CAMK2B: variants seen among roughly 807,000 people sequenced by gnomAD.
CAMK2B encodes calcium/calmodulin-dependent protein kinase type II subunit beta.
In CAMK2B, 27 loss-of-function variants were observed where a neutral mutation model predicts 93.7. The ratio of observed to expected loss-of-function variants is 0.29; its 90% confidence interval spans 0.21 to 0.40. The LOEUF (loss-of-function observed/expected upper bound fraction) is 0.40. Among genes scored for constraint, CAMK2B ranks in the 10% least tolerant of loss-of-function variants. The probability of loss-of-function intolerance (pLI) is 1.00; values close to 1 mark genes in which losing one functional copy is unlikely to be tolerated. For synonymous variants in CAMK2B, 374 were observed against 358.8 expected, an observed-to-expected ratio of 1.04 and a Z score of -0.48; for missense variants, 568 against 895.8, an observed-to-expected ratio of 0.63 and a Z score of 4.67.
At position 44,229,507 on chromosome 7, in the gene CAMK2B, G is replaced by A. The variant is rs367701989; in HGVS notation, c.1226-6C>T. On this transcript the variant is annotated splice_region_variant and splice_polypyrimidine_tract_variant and intron_variant, in intron 17 of 23. Coordinates refer to ENST00000395749, the MANE Select transcript of CAMK2B (RefSeq NM_001220.5). ...GATGTCGGGGACCCTGGGGGCTGAG[G>A]CGGAACAGGTGAGGCAGGCAGGTGG... is the stretch of plus-strand genomic sequence containing the variant. 7 of 1,400,758 alleles carry A rather than the reference G, an allele frequency of 5.0e-6. No individual in the cohort carries two copies. The African/African-American group carries it at 1.1e-4, about 21-fold the overall frequency. The allele number at this position is 1,400,758 out of a possible 1,614,324, so 86.8% of individuals were successfully genotyped here. A position where few individuals can be genotyped will look rare whatever the true frequency, so the allele number is the denominator to read the frequency against.
At chr7:44,281,995 G>A (rs986621670) in intron 2 of CAMK2B, among the ~76,000 whole-genome samples, 2 of 152,200 alleles carry the variant, frequency 1.3e-5, no homozygotes, top group Non-Finnish European at 2.9e-5. Flanking sequence ...CTAACTGCCG[G>A]AGGGCCAGAC....
At chr7:44,268,673 C>T (rs2096942297) in intron 2 of CAMK2B, 1 of 152,400 alleles carries the variant, frequency 6.6e-6, no homozygotes, top group South Asian at 2.1e-4. Flanking sequence ...CCCCCGAAGC[C>T]TTGGCATGGA....
At chr7:44,304,808 C>CCAAA (rs1791017141) in intron 1 of CAMK2B, among the ~76,000 whole-genome samples, 1 of 152,016 alleles carries the variant, frequency 6.6e-6, no homozygotes, top group Non-Finnish European at 1.5e-5. Context: ...CAAACTAATG[C>CCAAA]CAGATGTTAA....
rs777473518 is a variant in CAMK2B at position 44,234,238 on chromosome 7, G to T, written c.1131+152C>A. 4.7e-4 allele frequency: 309 copies of T among 660,628 alleles called. 2 individuals carry two copies. Among genetic ancestry groups the T allele is most frequent in the Admixed American group, 9.4e-5 (3 of 31,784 alleles). The allele number at this position is 660,628 out of a possible 1,614,324, so 40.9% of individuals were successfully genotyped here. A position where few individuals can be genotyped will look rare whatever the true frequency, so the allele number is the denominator to read the frequency against. ...GGCCTCTTCTCTCCACTTCACCACC[G>T]GTGAGGGATGAGGGGCGGGGGCCAT... On this transcript the variant is annotated intron_variant, in intron 15 of 23. Coordinates refer to ENST00000395749, the MANE Select transcript of CAMK2B (RefSeq NM_001220.5).
chr7:44,317,712 A>C (rs1294775518), intron 1 of CAMK2B, among the ~76,000 whole-genome samples: 1 of 152,144 alleles, frequency 6.6e-6, no homozygotes, highest in Non-Finnish European at 1.5e-5. Context: ...ATCACATTTT[A>C]TCTCTTCTGG....
chr7:44,300,791 C>T (rs913917433), intron 1 of CAMK2B, among the ~76,000 whole-genome samples: 9 of 152,172 alleles, frequency 5.9e-5, no homozygotes, highest in Non-Finnish European at 1.2e-4. Context: ...CTCTAACAGA[C>T]ATCTATAGAC....
chr7:44,279,581 C>G (rs1019592234), intron 2 of CAMK2B, among the ~76,000 whole-genome samples: 2 of 152,162 alleles, frequency 1.3e-5, no homozygotes, highest in Admixed American at 6.5e-5. Flanking sequence ...CAGCTTGCAT[C>G]GAATGAGTAA....
In CAMK2B at chr7:44,220,257, G is replaced by C; in HGVS notation, c.1806C>G (p.Ile602Met). 6.2e-7 allele frequency: 1 copy of C among 1,613,308 alleles called. No homozygotes were observed. The highest frequency in any genetic ancestry group is 8.5e-7 in the Non-Finnish European group (1 of 1,179,956). The part of the protein sequence containing the change: ...AKNSKPIHTT[I>M]LNPHVHVIGE... ...CAATGACGTGCACGTGTGGGTTCAG[G>C]ATGGTCGTGTGGATCGGCTTGCTGT... The change falls in exon 23 of 24, where the codon ATC becomes ATG. Residue 602 changes from isoleucine (I) to methionine (M), a missense_variant. Ile to Met is a conservative substitution (Grantham distance 10). Coordinates refer to ENST00000395749, the MANE Select transcript of CAMK2B (RefSeq NM_001220.5).
chr7:44,256,644 T>A (rs1024405450), intron 4 of CAMK2B, among the ~76,000 whole-genome samples: 10 of 152,252 alleles, frequency 6.6e-5, no homozygotes, highest in Admixed American at 5.9e-4. Flanking sequence ...TGGCACACAC[T>A]GAACACAGAT....
chr7:44,270,982 G>A (rs1203277426), intron 2 of CAMK2B, among the ~76,000 whole-genome samples: 1 of 152,114 alleles, frequency 6.6e-6, no homozygotes, highest in Non-Finnish European at 1.5e-5. Flanking sequence ...ACAGGGGCAT[G>A]ATCTTGGTTC....
intron 2 of CAMK2B, among the ~76,000 whole-genome samples, chr7:44,265,073 T>G (rs1455900481): frequency 1.3e-5 from 2 of 152,170 alleles, no homozygotes; most frequent in African/African-American, 4.8e-5. Context: ...TCTTTCCTAG[T>G]ATCTTTCTTA....
At chr7:44,287,506 C>T (rs552883455) in intron 1 of CAMK2B, among the ~76,000 whole-genome samples, 3 of 152,310 alleles carry the variant, frequency 2.0e-5, no homozygotes, top group East Asian at 1.9e-4. Context: ...CAATCTGTCA[C>T]GGGAAGCCCC....
At chr7:44,253,901 GTT>G (rs58844378) in intron 5 of CAMK2B, among the ~76,000 whole-genome samples, 1,589 of 139,738 alleles carry the variant, frequency 0.011, 27 homozygotes, top group African/African-American at 0.04. Context: ...CCTGGCCTCA[GTT>G]TTTTTTTTTT....
chr7:44,247,783 T>A (rs141234985), intron 5 of CAMK2B, among the ~76,000 whole-genome samples: 2,346 of 152,286 alleles, frequency 0.015, 29 homozygotes, highest in East Asian at 0.074. Flanking sequence ...ATCCCAGCAC[T>A]TTGGGAGGCC....
At chr7:44,257,606 CCAGGGCCA>C (rs2096845395) in intron 4 of CAMK2B, among the ~76,000 whole-genome samples, 1 of 152,252 alleles carries the variant, frequency 6.6e-6, no homozygotes, top group South Asian at 2.1e-4. Flanking sequence ...TGCCAGCTCC[CCAGGGCCA>C]CAGGACAGAC....
At chr7:44,292,895 C>T (rs1351588492) in intron 1 of CAMK2B, among the ~76,000 whole-genome samples, 1 of 152,216 alleles carries the variant, frequency 6.6e-6, no homozygotes, top group East Asian at 1.9e-4. Context: ...CCTGTCCATC[C>T]ACCTGATGTC....
intron 1 of CAMK2B, among the ~76,000 whole-genome samples, chr7:44,296,460 T>C (rs981901691): frequency 6.6e-6 from 1 of 151,928 alleles, no homozygotes; most frequent in Non-Finnish European, 1.5e-5. Flanking sequence ...TTACAAAAGA[T>C]ATAAACACAT....
chr7:44,219,911 C>A, intron 23 of CAMK2B, 149 bp downstream of exon 23: 2 of 680,648 alleles, frequency 2.9e-6, no homozygotes, highest in Non-Finnish European at 4.9e-6. Flanking sequence ...AATTTGACAT[C>A]ATTCCTGTGG....
chr7:44,258,843 C>G (rs1409979836), intron 4 of CAMK2B, 29 bp downstream of exon 4: 6 of 1,607,852 alleles, frequency 3.7e-6, no homozygotes, highest in Non-Finnish European at 5.1e-6. Flanking sequence ...GGAGTGAGTG[C>G]AGCGAGAGTC....
Sources: allele counts gnomAD v4.1 joint callset (sites outside exome capture counted in the v4.1 genomes callset), GRCh38; gene constraint gnomAD v4.1.1; transcripts MANE v1.5; gene names NCBI Gene and HGNC (gene_info 2026-07-23, HGNC 2026-07-21).